The following CCDC125 variants were observed in gnomAD, a reference collection of about 807,000 sequenced individuals.
The protein encoded by CCDC125 is coiled-coil domain-containing protein 125.
In CCDC125, 43 loss-of-function variants were observed where a neutral mutation model predicts 57.4. That is an observed-to-expected ratio of 0.75 (90% CI 0.59 to 0.97). The LOEUF (loss-of-function observed/expected upper bound fraction) is 0.97, where lower values mean the gene tolerates loss of function less well. CCDC125 is among the 50% of genes least tolerant of loss of function. The pLI, the probability that CCDC125 is intolerant of heterozygous loss-of-function variation, is 0.00. For synonymous variants in CCDC125, 187 were observed against 195.2 expected, an observed-to-expected ratio of 0.96 and a Z score of 0.35; for missense variants, 563 against 595.7, an observed-to-expected ratio of 0.95 and a Z score of 0.57.
intron 11 of CCDC125, among the ~76,000 whole-genome samples, 180 bp downstream of exon 11, chr5:69,285,157 T>G (rs1457393533): frequency 6.6e-6 from 1 of 151,918 alleles, no homozygotes; most frequent in African/African-American, 2.4e-5. Context: ...ACACTAATGA[T>G]AGCTGATGAA....
chr5:69,285,525 C>A (rs996143515), intron 10 of CCDC125, 58 bp from the exon 11 acceptor site: 2 of 1,518,240 alleles, frequency 1.3e-6, no homozygotes, highest in Non-Finnish European at 1.8e-6. Context: ...TGATATACTT[C>A]CAGCAAAAGA....
At chr5:69,275,130 A>G in the CCDC125 span, among the ~76,000 whole-genome samples, 1 of 152,070 alleles carries the variant, frequency 6.6e-6, no homozygotes. Context: ...TATTTTTATC[A>G]GAATTGTGGA....
chr5:69,287,186 A>C (rs1753645799), intron 10 of CCDC125, among the ~76,000 whole-genome samples: 1 of 151,540 alleles, frequency 6.6e-6, no homozygotes, highest in Non-Finnish European at 1.5e-5. Context: ...AAAATGAATT[A>C]AAGTCTTGTC....
intron 1 of CCDC125, among the ~76,000 whole-genome samples, chr5:69,327,258 CT>C (rs1237659437): frequency 6.6e-6 from 1 of 151,646 alleles, no homozygotes; most frequent in Non-Finnish European, 1.5e-5. Flanking sequence ...CCACGCCCGG[CT>C]AATTTTTTGT....
rs570436733 is a variant in CCDC125, at chr5:69,314,800, TA to T, written c.305-755del. Among the ~76,000 whole-genome samples, 583 of 151,562 alleles carry T rather than the reference TA, an allele frequency of 3.8e-3. 7 individuals are homozygous for T. The highest frequency in any genetic ancestry group is 0.013 in the African/African-American group (548 of 41,348). ...GCTTGAGCAACAGAGCAAGACTATC[TA>T]AAAAAAACAAAAAAGGACTCTAAAA... On this transcript the variant is annotated intron_variant, in intron 2 of 11. Coordinates refer to ENST00000396496, the MANE Select transcript of CCDC125 (RefSeq NM_176816.5).
chr5:69,289,951 G>A (rs926661111), intron 10 of CCDC125, among the ~76,000 whole-genome samples: 1 of 150,762 alleles, frequency 6.6e-6, no homozygotes, highest in Non-Finnish European at 1.5e-5. Flanking sequence ...AACATTTTTA[G>A]AAATTAATTT....
chr5:69,304,579 C>T (rs1446197574), intron 6 of CCDC125, among the ~76,000 whole-genome samples: 2 of 151,644 alleles, frequency 1.3e-5, no homozygotes, highest in East Asian at 1.9e-4. Flanking sequence ...GCGCCCGCCA[C>T]CACGCCCGGC....
chr5:69,289,391 G>A (rs1440489105), intron 10 of CCDC125, among the ~76,000 whole-genome samples: 1 of 152,154 alleles, frequency 6.6e-6, no homozygotes, highest in Admixed American at 6.5e-5. Context: ...GTAGAACCAG[G>A]TATTCTTAGT....
At chr5:69,300,996 A>T (rs1227261009) in intron 7 of CCDC125, among the ~76,000 whole-genome samples, 1 of 143,864 alleles carries the variant, frequency 7.0e-6, no homozygotes, top group African/African-American at 2.5e-5. Context: ...GGCTCCAGGG[A>T]TCCTCTCACC....
chr5:69,331,761 T>A (rs1172302944), intron 1 of CCDC125, among the ~76,000 whole-genome samples: 1 of 152,162 alleles, frequency 6.6e-6, no homozygotes, highest in Non-Finnish European at 1.5e-5. Flanking sequence ...CCAGGAATGC[T>A]GTTTCTTCTC....
At chr5:69,299,168 G>A (rs574171667) in intron 8 of CCDC125, among the ~76,000 whole-genome samples, 118 of 149,652 alleles carry the variant, frequency 7.9e-4, no homozygotes, top group African/African-American at 2.8e-3. Flanking sequence ...AGACTGCAGT[G>A]GCGCGATCTC....
At chr5:69,329,161 A>G (rs919179349) in intron 1 of CCDC125, among the ~76,000 whole-genome samples, 1 of 151,830 alleles carries the variant, frequency 6.6e-6, no homozygotes, top group African/African-American at 2.4e-5. Context: ...AGATGTGTCA[A>G]CGTTTAGGAT....
Position 69,313,678 on chromosome 5 carries a change from C to T in CCDC125, c.366+307G>A, listed in dbSNP as rs182890937. On this transcript the variant is annotated intron_variant, in intron 3 of 11. Transcript: ENST00000396496. ...TTGACAAAGGTGGCATAGGGGTTGT[C>T]GATGGTCTGGTCCACATTGCCCACC... 157 of 755,494 alleles carry T rather than the reference C, an allele frequency of 2.1e-4. 4 individuals carry two copies. The highest frequency in any genetic ancestry group is 1.9e-3 in the Admixed American group (109 of 57,162). The allele number at this position is 755,494 out of a possible 1,614,324, so 46.8% of individuals were successfully genotyped here.
Position 69,311,689 on chromosome 5 carries a change from A to G in CCDC125, c.367-485T>C, listed in dbSNP as rs144121162. On this transcript the variant is annotated intron_variant, in intron 3 of 11. Transcript: ENST00000396496. ...AAAATAGCTGGGCATGGTGGCTCAC[A>G]CCTGTAATCCCAGCTACTCCGGAGG... is the stretch of plus-strand genomic sequence containing the variant. Among the ~76,000 whole-genome samples the G allele has an allele frequency of 3.4e-3, 516 of 150,216 alleles. 3 individuals are homozygous for G. The highest frequency in any genetic ancestry group is 0.012 in the African/African-American group (500 of 40,898).
At chr5:69,296,029 G>A (rs1297458745) in intron 8 of CCDC125, among the ~76,000 whole-genome samples, 4 of 151,662 alleles carry the variant, frequency 2.6e-5, no homozygotes, top group Admixed American at 6.6e-5. Context: ...GACTACAGGC[G>A]CCACCACGCC....
rs114967566 is a variant in CCDC125, at chr5:69,292,809, T to A, written c.925-447A>T. On this transcript the variant is annotated intron_variant, in intron 9 of 11. Coordinates refer to ENST00000396496, the MANE Select transcript of CCDC125 (RefSeq NM_176816.5). ...CTTGACTTTGATCAATGTAATCTCA[T>A]GTTTTTCTTTTCTTCTATTTTTTTC... 9.0e-3 allele frequency among the ~76,000 whole-genome samples: 1,372 copies of A among 152,106 alleles called. 19 individuals are homozygous for A. Among genetic ancestry groups the A allele is most frequent in the African/African-American group, 0.031 (1,282 of 41,524 alleles).
intron 10 of CCDC125, among the ~76,000 whole-genome samples, chr5:69,287,142 C>G (rs1179628754): frequency 6.6e-6 from 1 of 151,924 alleles, no homozygotes; most frequent in Non-Finnish European, 1.5e-5. Context: ...TCTGTATCAC[C>G]CTGTACCTCT....
At chr5:69,320,641 G>T in intron 1 of CCDC125, 61 bp from the exon 2 acceptor site, 2 of 708,350 alleles carry the variant, frequency 2.8e-6, no homozygotes, top group Non-Finnish European at 4.8e-6. Flanking sequence ...CCCACCTCTC[G>T]ATATTTACCC....
downstream of CCDC125, among the ~76,000 whole-genome samples, chr5:69,278,634 GATGCATAACA>G (rs1250896387): frequency 6.6e-6 from 1 of 151,166 alleles, no homozygotes; most frequent in Admixed American, 6.6e-5. Flanking sequence ...CATGTAGTGA[GATGCATAACA>G]ATGTACAGCA....
Sources: gnomAD v4.1 joint callset for allele counts (sites outside exome capture counted in the v4.1 genomes callset) on GRCh38, gnomAD v4.1.1 for gene constraint, MANE v1.5 for transcripts, NCBI Gene and HGNC (gene_info 2026-07-23, HGNC 2026-07-21) for gene names.